The following COL5A1 variants were observed in gnomAD, a reference collection of about 807,000 sequenced individuals.
COL5A1 encodes the protein collagen alpha-1(V) chain.
A neutral mutation model predicts 263.7 loss-of-function variants in COL5A1; 16 were observed. The ratio of observed to expected loss-of-function variants is 0.06; its 90% CI spans 0.04 to 0.09. The LOEUF (loss-of-function observed/expected upper bound fraction) is 0.09. Among genes scored for constraint, COL5A1 ranks in the 10% least tolerant of loss-of-function variants. The probability of loss-of-function intolerance (pLI) is 1.00; values close to 1 mark genes in which losing one functional copy is unlikely to be tolerated. For missense variants in COL5A1, 2,036 were observed against 2,540.5 expected (o/e 0.80, Z 4.27); for synonymous variants, 1,012 against 1,004.5 (o/e 1.01, Z -0.14).
At chr9:134,699,858 G>A (rs750081587) in intron 2 of COL5A1, 51 bp from the exon 3 acceptor site, 18 of 1,568,592 alleles carry the variant, frequency 1.1e-5, no homozygotes, top group Non-Finnish European at 1.5e-5. Flanking sequence ...ATGGCTGGGT[G>A]TGGTTGCAGG....
intron 24 of COL5A1, 105 bp downstream of exon 24, chr9:134,767,459 C>A (rs146169096): frequency 9.3e-7 from 1 of 1,071,876 alleles, no homozygotes; most frequent in Non-Finnish European, 1.4e-6. Flanking sequence ...CAATGTATAT[C>A]TTGGTGCTCC....
At chr9:134,653,864 C>G (rs1831781327) in intron 1 of COL5A1, among the ~76,000 whole-genome samples, 2 of 149,148 alleles carry the variant, frequency 1.3e-5, no homozygotes, top group Admixed American at 1.3e-4. Context: ...GTCTGTAGGG[C>G]CAGGCATCTG....
chr9:134,823,298 T>G (rs765621047), intron 60 of COL5A1, 118 bp from the exon 61 acceptor site: 112 of 1,140,028 alleles, frequency 9.8e-5, no homozygotes, highest in Non-Finnish European at 1.5e-4. Flanking sequence ...TTCTCTGCTG[T>G]GGCTGATAGG....
At chr9:134,822,722 C>A (rs572569549) in intron 59 of COL5A1, among the ~76,000 whole-genome samples, 2 of 150,440 alleles carry the variant, frequency 1.3e-5, no homozygotes, top group South Asian at 2.1e-4. Flanking sequence ...TCCGCTGCGC[C>A]CCCCCCGCGG....
At chr9:134,719,400 A>G (rs981125551) in intron 4 of COL5A1, among the ~76,000 whole-genome samples, 8 of 152,236 alleles carry the variant, frequency 5.3e-5, no homozygotes, top group Non-Finnish European at 1.0e-4. Flanking sequence ...ACCTGCATCA[A>G]CACGGTACCG....
chr9:134,792,839 ATG>A (rs550526614), intron 32 of COL5A1, among the ~76,000 whole-genome samples: 110 of 59,568 alleles, frequency 1.8e-3, no homozygotes, highest in African/African-American at 4.0e-3. Context: ...ATGCATGTGT[ATG>A]TGTGTGTGCG....
Position 134,830,379 on chromosome 9 carries a change from G to C in COL5A1, c.5136+335G>C, listed in dbSNP as rs76187902. 62 of 618,348 alleles carry C rather than the reference G, an allele frequency of 1.0e-4. No homozygotes were observed. In the East Asian group the frequency reaches 1.7e-3, roughly 17 times the overall value. The allele number at this position is 618,348 out of a possible 1,614,324, so 38.3% of individuals were successfully genotyped here. On this transcript the variant is annotated intron_variant, in intron 64 of 65. Coordinates refer to ENST00000371817, the MANE Select transcript of COL5A1 (RefSeq NM_000093.5). The stretch of plus-strand genomic sequence containing the variant: ...CCCTGACAAGAGTGTGTTTCTGCCT[G>C]GAGTAGGCAGATGGTTTTCCGTTTC...
intron 1 of COL5A1, among the ~76,000 whole-genome samples, chr9:134,654,326 G>GA: frequency 7.3e-6 from 1 of 136,442 alleles, no homozygotes; most frequent in Non-Finnish European, 1.6e-5. Context: ...GTAGGGCTGG[G>GA]GTGTGTGTAG....
intron 29 of COL5A1, among the ~76,000 whole-genome samples, chr9:134,784,723 G>C (rs1837386273): frequency 1.3e-5 from 2 of 152,266 alleles, no homozygotes; most frequent in Admixed American, 6.5e-5. Context: ...GGAGCCTGCA[G>C]CCTTGAGAAA....
At chr9:134,650,532 C>T (rs1307354107) in intron 1 of COL5A1, among the ~76,000 whole-genome samples, 4 of 152,358 alleles carry the variant, frequency 2.6e-5, no homozygotes, top group Non-Finnish European at 4.4e-5. Context: ...TCTTCCGCTG[C>T]GGCGGGGGAG....
At chr9:134,824,345 T>G (rs1839162217) in intron 61 of COL5A1, among the ~76,000 whole-genome samples, 1 of 152,226 alleles carries the variant, frequency 6.6e-6, no homozygotes, top group Non-Finnish European at 1.5e-5. Context: ...TGCAAACTGT[T>G]AAGTTTCAGC....
chr9:134,818,110 T>C lies in COL5A1; in HGVS notation c.4230+279T>C, dbSNP rs1310501703. Among the ~76,000 whole-genome samples, 2 of 152,180 alleles carry C rather than the reference T, an allele frequency of 1.3e-5. No homozygotes were observed. The highest frequency in any genetic ancestry group is 2.9e-5 in the Non-Finnish European group (2 of 68,018). On this transcript the variant is annotated intron_variant, in intron 54 of 65. Transcript: ENST00000371817. This position sits in a 1 kb window ranked among gnomAD's most constrained non-coding sequence, Gnocchi z 6.0. ...CAGGGAGCCCAAGGCTGAGTAGTTA[T>C]GTCCCCCGGAGCCCTGCGACCTCAT...
intron 4 of COL5A1, 136 bp downstream of exon 4, chr9:134,701,469 G>A (rs1198135852): frequency 2.3e-6 from 2 of 878,364 alleles, no homozygotes; most frequent in Non-Finnish European, 3.7e-6. Flanking sequence ...CTGTTGGTCA[G>A]AAGCCTCTGC....
chr9:134,793,410 C>T (rs530769469), intron 32 of COL5A1, among the ~76,000 whole-genome samples: 15 of 152,210 alleles, frequency 9.9e-5, no homozygotes, highest in Admixed American at 8.5e-4. Flanking sequence ...TTCCACAGCT[C>T]CAGTCACAGG....
In COL5A1 at chr9:134,742,235, C is replaced by T. The variant is rs1835331140; in HGVS notation, c.1494+3427C>T. ...TCAAATCCTTTCTTGCTCTTGTGCCCACGGCTGCCCGCAGGGAGCAGAGTG... is the reference window on the plus strand; with the variant it reads ...TCAAATCCTTTCTTGCTCTTGTGCCTACGGCTGCCCGCAGGGAGCAGAGTG... On this transcript the variant is annotated intron_variant, in intron 11 of 65. Transcript: ENST00000371817. This position sits in a 1 kb window ranked among gnomAD's most constrained non-coding sequence, Gnocchi z 4.6. Among the ~76,000 whole-genome samples, 1 of 152,142 alleles carries T rather than the reference C, an allele frequency of 6.6e-6. No homozygotes were observed. The highest frequency in any genetic ancestry group is 2.4e-5 in the African/African-American group (1 of 41,454).
rs370766020 is a variant in COL5A1 at position 134,761,966 on chromosome 9, C to T, written c.1977C>T (p.Asp659=). Residue 659 remains aspartate (D), a synonymous_variant, in exon 19 of 66, where the codon GAC becomes GAT. Transcript: ENST00000371817. ...CCGGCCCACCAGGACCTCCGGGAGA[C>T]GATGGAGAAAGGGTAGGTATTCTGC... ...GPSGPPGPPG[D]DGERGDDGEV... 49 of 1,613,388 alleles carry T rather than the reference C, an allele frequency of 3.0e-5. No individual in the cohort carries two copies. Among genetic ancestry groups the T allele is most frequent in the African/African-American group, 5.3e-5 (4 of 74,914 alleles).
rs1203011316 is a variant in COL5A1, at chr9:134,801,804, A to G, written c.2953-150A>G. On this transcript the variant is annotated intron_variant, in intron 37 of 65. Coordinates refer to ENST00000371817, the MANE Select transcript of COL5A1 (RefSeq NM_000093.5). ...TCTCCATCTGAAAAAAAAAAAAATG[A>G]AACAAGAGACATGGGCCTCTTACAC... is the stretch of plus-strand genomic sequence containing the variant. 1.1e-5 allele frequency: 8 copies of G among 733,822 alleles called. No individual in the cohort carries two copies. In the Admixed American group the frequency reaches 1.3e-4, roughly 12 times the overall value. The allele number at this position is 733,822 out of a possible 1,614,324, so 45.5% of individuals were successfully genotyped here.
chr9:134,819,245 TG>T (rs1239468639), intron 57 of COL5A1, among the ~76,000 whole-genome samples, 192 bp downstream of exon 57: 2 of 152,156 alleles, frequency 1.3e-5, no homozygotes, highest in Admixed American at 1.3e-4. Context: ...CCCCTGCCTC[TG>T]GGGGGTCCTG....
chr9:134,816,624 C>T (rs765530147), intron 52 of COL5A1, among the ~76,000 whole-genome samples: 19 of 152,252 alleles, frequency 1.2e-4, no homozygotes, highest in Non-Finnish European at 2.1e-4. Flanking sequence ...GATCTAGCCT[C>T]GGGCTGGATT....
Sources: gnomAD v4.1 joint callset for allele counts (sites outside exome capture counted in the v4.1 genomes callset) on GRCh38, gnomAD v4.1.1 for gene constraint, Gnocchi (gnomAD v3.1) non-coding constraint, MANE v1.5 for transcripts, NCBI Gene and HGNC (gene_info 2026-07-23, HGNC 2026-07-21) for gene names.